The following SLC8A1 variants were observed in gnomAD, a reference collection of about 807,000 sequenced individuals.
The protein encoded by SLC8A1 is solute carrier family 8 member A1.
In SLC8A1, 18 loss-of-function variants were observed where a neutral mutation model predicts 68.3. The observed-to-expected ratio is 0.26, with a 90% confidence interval of 0.18 to 0.39. The LOEUF is 0.39. Ranked by LOEUF, SLC8A1 falls within the 10% of genes least tolerant of loss-of-function variation. SLC8A1 has a pLI of 1.00. For synonymous variants in SLC8A1, 475 were observed against 415.5 expected, an observed-to-expected ratio of 1.14 and a Z score of -1.74; for missense variants, 985 against 1,156.7, an observed-to-expected ratio of 0.85 and a Z score of 2.15.
chr2:40,384,285 T>C (rs1682873653), intron 2 of SLC8A1, among the ~76,000 whole-genome samples: 1 of 152,074 alleles, frequency 6.6e-6, no homozygotes, highest in Non-Finnish European at 1.5e-5. Context: ...TTTTAAAAAA[T>C]GTTAAGAATT....
intron 2 of SLC8A1, among the ~76,000 whole-genome samples, chr2:40,392,068 G>GAAGA (rs2149603669): frequency 7.9e-5 from 1 of 12,580 alleles, no homozygotes; most frequent in Admixed American, 1.0e-3. Flanking sequence ...GAAGGAAGGA[G>GAAGA]AAGGAAGGAA....
chr2:40,399,656 T>C (rs991927805), intron 2 of SLC8A1, among the ~76,000 whole-genome samples: 3 of 152,148 alleles, frequency 2.0e-5, no homozygotes, highest in African/African-American at 4.8e-5. Context: ...CTGTGGGAAA[T>C]ACTAATATTA....
exon 8 of SLC8A1, chr2:40,107,653 T>G: frequency 6.6e-6 from 1 of 151,098 alleles, no homozygotes. Flanking sequence ...AGGGGGGAGG[T>G]CAGGAATATG....
rs557476867 is a variant in SLC8A1 at position 40,184,071 on chromosome 2, G to A, written c.1809-6216C>T. Among the ~76,000 whole-genome samples, 12 of 152,162 alleles carry A rather than the reference G, an allele frequency of 7.9e-5. No individual in the cohort carries two copies. In the South Asian group the frequency reaches 1.0e-3, roughly 13 times the overall value. The stretch of plus-strand genomic sequence containing the variant: ...GCTTGCCTGCACCCCAGCTACATGC[G>A]AGGCTGAGGTGGGAGGATGGCTTGA... On this transcript the variant is annotated intron_variant, in intron 2 of 7. Coordinates refer to ENST00000406785, the Ensembl canonical transcript of SLC8A1.
At chr2:40,268,096 A>G (rs1338654920) in intron 2 of SLC8A1, among the ~76,000 whole-genome samples, 4 of 152,222 alleles carry the variant, frequency 2.6e-5, no homozygotes, top group Non-Finnish European at 5.9e-5. Flanking sequence ...TTTTAATAAA[A>G]TGAGTAATCA....
intron 2 of SLC8A1, among the ~76,000 whole-genome samples, chr2:40,363,950 G>T (rs2149486019): frequency 6.6e-6 from 1 of 151,604 alleles, no homozygotes; most frequent in Non-Finnish European, 1.5e-5. Flanking sequence ...CTGACTTCGG[G>T]GAGAAAAAAA....
At chr2:40,244,401 T>A (rs535541077) in intron 2 of SLC8A1, among the ~76,000 whole-genome samples, 1 of 152,190 alleles carries the variant, frequency 6.6e-6, no homozygotes, top group South Asian at 2.1e-4. Context: ...TGCTGACCTA[T>A]GAAGGCCAGG....
intron 2 of SLC8A1, among the ~76,000 whole-genome samples, chr2:40,392,034 AAAACAAAC>A (rs200108106): frequency 4.9e-4 from 73 of 148,018 alleles, no homozygotes; most frequent in South Asian, 3.4e-3. Flanking sequence ...TTCTCTTAAA[AAAACAAAC>A]AAACAAACAA....
At chr2:40,184,898 C>CAAAAAAAAAAAAAAAAAACAAA (rs2050375862) in intron 2 of SLC8A1, among the ~76,000 whole-genome samples, 1 of 106,528 alleles carries the variant, frequency 9.4e-6, no homozygotes, top group Non-Finnish European at 1.9e-5. Flanking sequence ...TAACCAAAAA[C>CAAAAAAAAAAAAAAAAAACAAA]AAAAAAAAAA....
chr2:40,437,864 T>A (rs939426777), intron 1 of SLC8A1, among the ~76,000 whole-genome samples: 1 of 152,082 alleles, frequency 6.6e-6, no homozygotes, highest in African/African-American at 2.4e-5. Context: ...AAATAAAACA[T>A]ATCTCCAAAG....
intron 2 of SLC8A1, among the ~76,000 whole-genome samples, chr2:40,225,914 A>G (rs142227013): frequency 4.0e-4 from 61 of 152,286 alleles, no homozygotes; most frequent in African/African-American, 1.4e-3. Flanking sequence ...GAGTTGCTCT[A>G]TTTATACACT....
intron 1 of SLC8A1, among the ~76,000 whole-genome samples, chr2:40,451,532 G>T (rs1702484585): frequency 6.6e-6 from 1 of 152,122 alleles, no homozygotes; most frequent in Non-Finnish European, 1.5e-5. Context: ...TCTGCATTCG[G>T]GGTGGACTTA....
chr2:40,413,965 G>A (rs535222603), intron 2 of SLC8A1, among the ~76,000 whole-genome samples: 5 of 152,238 alleles, frequency 3.3e-5, no homozygotes, highest in Admixed American at 3.3e-4. Context: ...AAATTAATTT[G>A]TTGAGCATCA....
chr2:40,377,552 C>T (rs1297874715), intron 2 of SLC8A1, among the ~76,000 whole-genome samples: 1 of 152,092 alleles, frequency 6.6e-6, no homozygotes, highest in Admixed American at 6.6e-5. Context: ...GCTTCAGATG[C>T]CAACTCACAG....
rs891199326 is a variant in SLC8A1, at chr2:40,342,008, G to C, written c.1808+86465C>G. 3.3e-5 allele frequency among the ~76,000 whole-genome samples: 5 copies of C among 152,044 alleles called. No individual in the cohort carries two copies. The East Asian group carries it at 9.6e-4, about 29-fold the overall frequency. ...TAGCATGACCTTTCAGCATCATATG[G>C]GAGCTATAGACCTAATCAAAGGTTA... On this transcript the variant is annotated intron_variant, in intron 2 of 7. Coordinates refer to ENST00000406785, the Ensembl canonical transcript of SLC8A1.
chr2:40,330,664 C>T (rs1364482619), intron 2 of SLC8A1, among the ~76,000 whole-genome samples: 1 of 152,128 alleles, frequency 6.6e-6, no homozygotes, highest in East Asian at 1.9e-4. Context: ...CTACTAGTTG[C>T]TTATAGTTGC....
intron 2 of SLC8A1, among the ~76,000 whole-genome samples, chr2:40,293,459 C>A (rs981647029): frequency 6.6e-6 from 1 of 152,090 alleles, no homozygotes; most frequent in Non-Finnish European, 1.5e-5. Context: ...AAACTTGGAG[C>A]TTTAGAGTTT....
intron 2 of SLC8A1, among the ~76,000 whole-genome samples, chr2:40,248,614 C>G (rs2062237823): frequency 6.6e-6 from 1 of 152,128 alleles, no homozygotes; most frequent in Non-Finnish European, 1.5e-5. Flanking sequence ...TCCAAATGAA[C>G]TAAGATATCT....
chr2:40,252,897 ATATG>A (rs74813385), intron 2 of SLC8A1, among the ~76,000 whole-genome samples: 69,521 of 136,078 alleles, frequency 0.51, 19,945 homozygotes, highest in Non-Finnish European at 0.66. Flanking sequence ...GCCAAATTTT[ATATG>A]TATGTATATG....
Sources: allele counts gnomAD v4.1 joint callset (sites outside exome capture counted in the v4.1 genomes callset), GRCh38; gene constraint gnomAD v4.1.1; transcripts MANE v1.5; gene names NCBI Gene and HGNC (gene_info 2026-07-23, HGNC 2026-07-21).